Variants in PLCB4 observed in about 807,000 individuals in gnomAD.
PLCB4 encodes phospholipase C beta 4, also known as 1-phosphatidylinositol 4,5-bisphosphate phosphodiesterase beta-4.
PLCB4 carries 77 observed loss-of-function variants against 178.8 expected under a neutral mutation model. The ratio of observed to expected loss-of-function variants is 0.43; its 90% CI spans 0.36 to 0.52. The LOEUF (loss-of-function observed/expected upper bound fraction) is 0.52, where lower values mean the gene tolerates loss of function less well. Among genes scored for constraint, PLCB4 ranks in the 20% least tolerant of loss-of-function variants. PLCB4 has a pLI of 0.00. For synonymous variants in PLCB4, 496 were observed against 490.8 expected (o/e 1.01, Z -0.14); for missense variants, 1,024 against 1,453.4 (o/e 0.70, Z 4.80).
At chr20:9,470,641 G>A (rs767845791) in intron 36 of PLCB4, among the ~76,000 whole-genome samples, 2 of 152,190 alleles carry the variant, frequency 1.3e-5, no homozygotes, top group Non-Finnish European at 2.9e-5. Context: ...TAATTAGCAA[G>A]GGTCTTAAAA....
intron 3 of PLCB4, among the ~76,000 whole-genome samples, chr20:9,274,413 A>G (rs2094433926): frequency 1.3e-5 from 2 of 152,080 alleles, no homozygotes; most frequent in African/African-American, 4.8e-5. Flanking sequence ...GATGAGAGAA[A>G]TTATGCTTGT....
At chr20:9,410,682 C>T (rs1004047315) in intron 24 of PLCB4, among the ~76,000 whole-genome samples, 5 of 152,142 alleles carry the variant, frequency 3.3e-5, no homozygotes, top group African/African-American at 1.2e-4. Flanking sequence ...CGGGTATCTC[C>T]AGGGTTCCTC....
intron 3 of PLCB4, among the ~76,000 whole-genome samples, chr20:9,293,475 G>T (rs996239267): frequency 2.6e-5 from 4 of 150,946 alleles, no homozygotes; most frequent in African/African-American, 9.7e-5. Flanking sequence ...GTCAGAAAGA[G>T]AGAAAGAGGA....
chr20:9,478,473 AT>A (rs1265935504), intron 39 of PLCB4, among the ~76,000 whole-genome samples: 1 of 152,218 alleles, frequency 6.6e-6, no homozygotes. Context: ...ATTTCAGGCT[AT>A]TTAGGAAATA....
rs919468762 is a variant in PLCB4, at chr20:9,338,031, C to T, written c.189C>T (p.Ser63=). Residue 63 remains serine, a synonymous_variant, in exon 6 of 40, where the codon TCC becomes TCT. Transcript: ENST00000378473. Reference sequence around the variant, plus strand: ...AGGAAGGACAGGTGCTAGAATGCTCCCTCATCAACAGTATTCGGTCGGGAG... The same window carrying T: ...AGGAAGGACAGGTGCTAGAATGCTCTCTCATCAACAGTATTCGGTCGGGAG... ...EGKEGQVLEC[S]LINSIRSGAI... is the part of the protein sequence containing the mutation. The T allele has an allele frequency of 1.5e-5, 24 of 1,611,940 alleles. No individual in the cohort carries two copies. The highest frequency in any genetic ancestry group is 2.2e-5 in the East Asian group (1 of 44,822).
Position 9,411,085 on chromosome 20 carries a change from G to A in PLCB4, c.2048G>A (p.Cys683Tyr). ...NQGKFEYNGS[C>Y]GYLLKPDFMR... Reference sequence around the variant, plus strand: ...GGAAAATTTGAGTATAATGGATCGTGCGGGTGAGTAATATGATTTAAACTG... The same window carrying A: ...GGAAAATTTGAGTATAATGGATCGTACGGGTGAGTAATATGATTTAAACTG... Residue 683 changes from cysteine (C) to tyrosine (Y), a missense_variant, in exon 25 of 40, where the codon TGC becomes TAC. By Grantham distance (194) the Cys-to-Tyr change is radical (BLOSUM62 -2). Coordinates refer to ENST00000378473, the MANE Select transcript of PLCB4 (RefSeq NM_001377142.1). 1 of 1,602,912 alleles carries A rather than the reference G, an allele frequency of 6.2e-7. No homozygotes were observed. The highest frequency in any genetic ancestry group is 8.5e-7 in the Non-Finnish European group (1 of 1,170,036).
intron 2 of PLCB4, among the ~76,000 whole-genome samples, chr20:9,143,651 A>G (rs1232115009): frequency 6.6e-6 from 1 of 152,084 alleles, no homozygotes; most frequent in African/African-American, 2.4e-5. Flanking sequence ...TTCTTTCATT[A>G]TTACTATGAT....
At chr20:9,346,637 C>G (rs1358179579) in intron 7 of PLCB4, among the ~76,000 whole-genome samples, 3 of 151,972 alleles carry the variant, frequency 2.0e-5, no homozygotes, top group Non-Finnish European at 4.4e-5. Context: ...AATTGTTTTT[C>G]TTGAAGCTCT....
In PLCB4 at chr20:9,459,772, C is replaced by A; in HGVS notation, c.3210C>A (p.His1070Gln). 1 of 1,612,088 alleles carries A rather than the reference C, an allele frequency of 6.2e-7. No individual in the cohort carries two copies. Among genetic ancestry groups the A allele is most frequent in the Non-Finnish European group, 8.5e-7 (1 of 1,178,394 alleles). Residue 1070 changes from histidine (H) to glutamine (Q), a missense_variant, in exon 35 of 40, where the codon CAC (histidine) becomes CAA (glutamine). His to Gln is a conservative substitution (Grantham distance 24). Around this residue, in one of 7 missense-constraint regions of PLCB4, gnomAD observed 264 missense variants for 283.2 expected, o/e 0.93. Transcript: ENST00000378473. ...TGAAAAAGCTACTCATCAATGCCCACGAGCAGCAAACCCAGCAGCTGAAAC... is the reference window on the plus strand; with the variant it reads ...TGAAAAAGCTACTCATCAATGCCCAAGAGCAGCAAACCCAGCAGCTGAAAC... ...ELLKKLLINA[H>Q]EQQTQQLKLS...
intron 35 of PLCB4, among the ~76,000 whole-genome samples, chr20:9,466,484 G>A (rs1009624893): frequency 2.6e-5 from 4 of 152,160 alleles, no homozygotes; most frequent in Admixed American, 6.5e-5. Flanking sequence ...ACTACCATTA[G>A]AGTGAACAGG....
intron 2 of PLCB4, among the ~76,000 whole-genome samples, chr20:9,114,312 T>A (rs2091704905): frequency 1.3e-5 from 2 of 151,800 alleles, no homozygotes; most frequent in Non-Finnish European, 2.9e-5. Context: ...TTCAGAGGGG[T>A]GGTGCTGATG....
chr20:9,165,615 C>A (rs560878549), intron 2 of PLCB4, among the ~76,000 whole-genome samples: 7 of 152,300 alleles, frequency 4.6e-5, no homozygotes, highest in Admixed American at 3.9e-4. Context: ...AATAAGCATA[C>A]TAAAAACTTG....
intron 25 of PLCB4, among the ~76,000 whole-genome samples, chr20:9,418,167 CA>C (rs2040383578): frequency 6.6e-6 from 1 of 152,054 alleles, no homozygotes; most frequent in Non-Finnish European, 1.5e-5. Flanking sequence ...TAAAAGTTTT[CA>C]ACAGAAAATC....
intron 25 of PLCB4, among the ~76,000 whole-genome samples, chr20:9,414,177 C>T (rs2040076987): frequency 6.6e-6 from 1 of 152,256 alleles, no homozygotes. Context: ...GCATACACCT[C>T]ACCAGAAAAG....
At chr20:9,110,170 A>G (rs2091523343) in intron 2 of PLCB4, among the ~76,000 whole-genome samples, 1 of 152,184 alleles carries the variant, frequency 6.6e-6, no homozygotes, top group Admixed American at 6.5e-5. Context: ...CAAGGCTAAC[A>G]TAGCCTTTCA....
intron 1 of PLCB4, among the ~76,000 whole-genome samples, chr20:9,089,540 G>A (rs1412988253): frequency 6.6e-6 from 1 of 152,038 alleles, no homozygotes; most frequent in African/African-American, 2.4e-5. Context: ...TCTTTTCATG[G>A]TAGAACTTCC....
intron 7 of PLCB4, among the ~76,000 whole-genome samples, chr20:9,346,887 A>G (rs2033851178): frequency 6.6e-6 from 1 of 152,072 alleles, no homozygotes; most frequent in African/African-American, 2.4e-5. Context: ...GAATCTGTGG[A>G]GCTGGTGAAA....
At chr20:9,395,166 C>T (rs1345774029) in intron 18 of PLCB4, among the ~76,000 whole-genome samples, 1 of 152,172 alleles carries the variant, frequency 6.6e-6, no homozygotes, top group Non-Finnish European at 1.5e-5. Flanking sequence ...TGTTCGTAAA[C>T]CTTGGTCTGT....
intron 2 of PLCB4, among the ~76,000 whole-genome samples, chr20:9,125,436 T>C (rs1378918977): frequency 6.6e-6 from 1 of 152,172 alleles, no homozygotes; most frequent in Non-Finnish European, 1.5e-5. Context: ...TGTTCCACAT[T>C]TTTAAATTTC....
Sources: gnomAD v4.1 joint callset for allele counts (sites outside exome capture counted in the v4.1 genomes callset) on GRCh38, gnomAD v4.1.1 for gene constraint, gnomAD v4.1.1 regional missense constraint, MANE v1.5 for transcripts, NCBI Gene and HGNC (gene_info 2026-07-23, HGNC 2026-07-21) for gene names.